The following HS6ST3 variants were observed in gnomAD, a reference collection of about 807,000 sequenced individuals.
HS6ST3 encodes the protein heparan sulfate 6-O-sulfotransferase 3.
Under a neutral mutation model 36.7 loss-of-function variants are expected in HS6ST3, and 12 were observed. That is an observed-to-expected ratio of 0.33 (90% CI 0.21 to 0.53). The LOEUF (loss-of-function observed/expected upper bound fraction) is 0.53. HS6ST3 is among the 20% of genes least tolerant of loss of function. The pLI is 0.95. For synonymous variants in HS6ST3, 240 were observed against 257.5 expected (o/e 0.93, Z 0.65); for missense variants, 584 against 640.9 (o/e 0.91, Z 0.96).
At chr13:96,745,586 T>C (rs1027587891) in intron 1 of HS6ST3, among the ~76,000 whole-genome samples, 4 of 152,074 alleles carry the variant, frequency 2.6e-5, no homozygotes, top group East Asian at 1.9e-4. Flanking sequence ...CATGCCCCCA[T>C]TGAAATTGGT....
chr13:96,297,547 C>T (rs2054861070), intron 1 of HS6ST3, among the ~76,000 whole-genome samples: 1 of 152,104 alleles, frequency 6.6e-6, no homozygotes, highest in African/African-American at 2.4e-5. Flanking sequence ...ACTTTGCCAG[C>T]GTTAGTTCTC....
intron 1 of HS6ST3, among the ~76,000 whole-genome samples, chr13:96,736,591 G>A (rs1406428981): frequency 6.6e-6 from 1 of 151,998 alleles, no homozygotes; most frequent in Non-Finnish European, 1.5e-5. Flanking sequence ...AATTAACAAG[G>A]TAGATTTAAT....
chr13:96,272,810 A>G (rs924694654), intron 1 of HS6ST3, among the ~76,000 whole-genome samples: 4 of 152,016 alleles, frequency 2.6e-5, no homozygotes, highest in Non-Finnish European at 5.9e-5. Flanking sequence ...CCTTGGGGAT[A>G]TTAACTCTGG....
chr13:96,468,490 AC>A (rs2055825260), intron 1 of HS6ST3, among the ~76,000 whole-genome samples: 1 of 151,024 alleles, frequency 6.6e-6, no homozygotes, highest in Non-Finnish European at 1.5e-5. Context: ...ACACACACAC[AC>A]ACACACACAC....
At chr13:96,138,540 G>A (rs764979292) in intron 1 of HS6ST3, among the ~76,000 whole-genome samples, 20 of 151,382 alleles carry the variant, frequency 1.3e-4, no homozygotes, top group Non-Finnish European at 1.9e-4. Flanking sequence ...CCATAAAACC[G>A]TCACCACAAC....
intron 1 of HS6ST3, among the ~76,000 whole-genome samples, chr13:96,265,662 G>A (rs1360349456): frequency 6.6e-6 from 1 of 152,140 alleles, no homozygotes; most frequent in East Asian, 1.9e-4. Context: ...GCAGACCCGT[G>A]GTGATGCGGG....
chr13:96,397,460 C>T (rs2055427942), intron 1 of HS6ST3, among the ~76,000 whole-genome samples: 1 of 152,140 alleles, frequency 6.6e-6, no homozygotes, highest in Non-Finnish European at 1.5e-5. Context: ...AACATCTCTT[C>T]AAGCATATAA....
chr13:96,377,890 C>T (rs934189713), intron 1 of HS6ST3, among the ~76,000 whole-genome samples: 3 of 152,140 alleles, frequency 2.0e-5, no homozygotes, highest in Admixed American at 6.6e-5. Context: ...TACCAAAGGA[C>T]GTGCAAGTTG....
intron 1 of HS6ST3, among the ~76,000 whole-genome samples, chr13:96,527,116 T>C (rs1343338230): frequency 6.6e-6 from 1 of 151,872 alleles, no homozygotes; most frequent in Non-Finnish European, 1.5e-5. Context: ...TTAGAAACGG[T>C]GTCTTGCTGG....
chr13:96,720,469 T>A (rs1875814703), intron 1 of HS6ST3, among the ~76,000 whole-genome samples: 1 of 152,176 alleles, frequency 6.6e-6, no homozygotes, highest in Admixed American at 6.5e-5. Flanking sequence ...AGCTTTATTT[T>A]GCTTTTGAGG....
chr13:96,284,955 C>CTT (rs1345520021), intron 1 of HS6ST3, among the ~76,000 whole-genome samples: 2 of 147,036 alleles, frequency 1.4e-5, no homozygotes, highest in Non-Finnish European at 3.0e-5. Context: ...TTCTTTCTTT[C>CTT]TTTCTTTCTT....
At chr13:96,615,848 A>G (rs1420516133) in intron 1 of HS6ST3, among the ~76,000 whole-genome samples, 3 of 152,192 alleles carry the variant, frequency 2.0e-5, no homozygotes, top group East Asian at 1.9e-4. Flanking sequence ...ACCTTTTGTT[A>G]TATGTGACCT....
Position 96,187,742 on chromosome 13 carries a change from C to T in HS6ST3, c.707+96173C>T, listed in dbSNP as rs149611887. ...ACACGAGGAACCACCCTTTGATTGG[C>T]CAGCCAATGCCGTGTTGGTGTTCCA... On this transcript the variant is annotated intron_variant, in intron 1 of 1. Transcript: ENST00000376705. Among the ~76,000 whole-genome samples, 115 of 152,268 alleles carry T rather than the reference C, an allele frequency of 7.6e-4. 1 individual carries two copies. The East Asian group carries it at 0.017, about 22-fold the overall frequency.
At chr13:96,232,063 C>T (rs1271494182) in intron 1 of HS6ST3, among the ~76,000 whole-genome samples, 5 of 152,046 alleles carry the variant, frequency 3.3e-5, no homozygotes, top group African/African-American at 4.8e-5. Context: ...AGAAATGTGC[C>T]GCATTGACCA....
At position 96,220,219 on chromosome 13, in the gene HS6ST3, T is replaced by C. The variant is rs149666443; in HGVS notation, c.707+128650T>C. On this transcript the variant is annotated intron_variant, in intron 1 of 1. Coordinates refer to ENST00000376705, the MANE Select transcript of HS6ST3 (RefSeq NM_153456.4). Reference sequence around the variant, plus strand: ...TGTAATAGTTGCTTAATAAATCTTATTTGTCATCCTTTCCATGCAGATAAT... The same window carrying C: ...TGTAATAGTTGCTTAATAAATCTTACTTGTCATCCTTTCCATGCAGATAAT... Among the ~76,000 whole-genome samples, 106 of 152,334 alleles carry C rather than the reference T, an allele frequency of 7.0e-4. 1 individual carries two copies. In the East Asian group the frequency reaches 0.019, roughly 27 times the overall value.
chr13:96,392,050 C>T (rs1410473223), intron 1 of HS6ST3, among the ~76,000 whole-genome samples: 1 of 152,194 alleles, frequency 6.6e-6, no homozygotes, highest in Non-Finnish European at 1.5e-5. Flanking sequence ...AAGGCCCACT[C>T]TCTGCTGTAG....
intron 1 of HS6ST3, among the ~76,000 whole-genome samples, chr13:96,669,401 A>G (rs1213798989): frequency 6.6e-6 from 1 of 152,100 alleles, no homozygotes; most frequent in East Asian, 1.9e-4. Flanking sequence ...ATCTTTCAGG[A>G]CAGATTGTTG....
Position 96,767,502 on chromosome 13 carries a change from A to G in HS6ST3, c.708-64988A>G, listed in dbSNP as rs546738212. 1.6e-4 allele frequency among the ~76,000 whole-genome samples: 24 copies of G among 152,340 alleles called. No individual in the cohort carries two copies. The South Asian group carries it at 5.0e-3, about 32-fold the overall frequency. On this transcript the variant is annotated intron_variant, in intron 1 of 1. Coordinates refer to ENST00000376705, the MANE Select transcript of HS6ST3 (RefSeq NM_153456.4). ...TGTGTAGGGTAGTGAGAATTGCAAA[A>G]GCATAAAAAATCTTCCTCATTTGTA...
intron 1 of HS6ST3, among the ~76,000 whole-genome samples, chr13:96,567,447 T>C (rs976788774): frequency 5.9e-5 from 9 of 152,068 alleles, no homozygotes; most frequent in African/African-American, 1.9e-4. Flanking sequence ...AAAAATAATA[T>C]GAAAAAATCT....
Sources: allele counts gnomAD v4.1 joint callset (sites outside exome capture counted in the v4.1 genomes callset), GRCh38; gene constraint gnomAD v4.1.1; transcripts MANE v1.5; gene names NCBI Gene and HGNC (gene_info 2026-07-23, HGNC 2026-07-21).